Variants in RBM41 observed in about 807,000 individuals in gnomAD.
RBM41 encodes the protein RNA binding motif protein 41, also known as RNA-binding protein 41.
In RBM41, 14 loss-of-function variants were observed where a neutral mutation model predicts 30.8. The observed-to-expected ratio is 0.45, with a 90% confidence interval of 0.30 to 0.71. RBM41 has a LOEUF of 0.71. Among genes scored for constraint, RBM41 ranks in the 30% least tolerant of loss-of-function variants. The pLI is 0.08. For missense variants in RBM41, 276 were observed against 326.3 expected, an observed-to-expected ratio of 0.85 and a Z score of 1.19; for synonymous variants, 120 against 110.1, an observed-to-expected ratio of 1.09 and a Z score of -0.56.
chrX:107,066,886 C>T lies in RBM41; in HGVS notation c.*641G>A, dbSNP rs1369226564. 1 of 737,849 alleles carries T rather than the reference C, an allele frequency of 1.4e-6. No individual in the cohort carries two copies. The allele number at this position is 737,849 out of a possible 1,213,427, so 60.8% of individuals were successfully genotyped here. The stretch of plus-strand genomic sequence containing the variant: ...TGAATTCAATGATACTCAATGGTTG[C>T]TAGCTTAAATGGCTGTGAGAACACC... On this transcript the variant is annotated 3_prime_UTR_variant, in exon 8 of 8. Coordinates refer to ENST00000685964, the MANE Select transcript of RBM41 (RefSeq NM_001324242.2).
At chrX:107,076,296 G>A (rs766529076) in intron 6 of RBM41, among the ~76,000 whole-genome samples, 4 of 105,482 alleles carry the variant, frequency 3.8e-5, no homozygotes, top group South Asian at 4.4e-4. Flanking sequence ...CAGCTCAGAC[G>A]ACAGTGCCAG....
At chrX:107,073,750 G>A (rs1936145317) in intron 6 of RBM41, among the ~76,000 whole-genome samples, 3 of 111,777 alleles carry the variant, frequency 2.7e-5, no homozygotes, top group African/African-American at 9.7e-5. Flanking sequence ...GGTGCCCAAC[G>A]ATGTGGTATA....
intron 5 of RBM41, among the ~76,000 whole-genome samples, chrX:107,098,059 C>T (rs1923135296): frequency 9.0e-6 from 1 of 111,404 alleles, no homozygotes; most frequent in East Asian, 2.8e-4. Context: ...AAATTATATA[C>T]CTCAATAAAG....
chrX:107,097,231 T>C (rs1263410184), intron 5 of RBM41, among the ~76,000 whole-genome samples: 1 of 112,109 alleles, frequency 8.9e-6, no homozygotes, highest in African/African-American at 3.2e-5. Context: ...TGAAAACATG[T>C]TCATACAAAT....
Position 107,064,090 on chromosome X carries a change from T to C in RBM41, c.*3437A>G, listed in dbSNP as rs1308490548. ...CCTCAGCCTCCCGAGTAGCTGGGAC[T>C]ACAGGTGCCCACGACCACGCCTGGC... On this transcript the variant is annotated 3_prime_UTR_variant, in exon 8 of 8. Coordinates refer to ENST00000685964, the MANE Select transcript of RBM41 (RefSeq NM_001324242.2). Among the ~76,000 whole-genome samples the C allele has an allele frequency of 9.2e-6, 1 of 108,542 alleles. No individual in the cohort carries two copies. The highest frequency in any genetic ancestry group is 3.4e-5 in the African/African-American group (1 of 29,800). 94.3% of individuals were successfully genotyped at this position (108,542 alleles called of 115,157 possible).
At chrX:107,099,101 G>T (rs1413993272) in intron 5 of RBM41, among the ~76,000 whole-genome samples, 1 of 111,282 alleles carries the variant, frequency 9.0e-6, no homozygotes, top group African/African-American at 3.3e-5. Context: ...TTTACCAAAA[G>T]ATACCATAAA....
downstream of RBM41, among the ~76,000 whole-genome samples, chrX:107,059,090 A>G (rs1935606882): frequency 9.0e-6 from 1 of 111,523 alleles, no homozygotes; most frequent in South Asian, 3.8e-4. Flanking sequence ...CCCCAATGGC[A>G]TCTTAGAGAA....
intron 5 of RBM41, among the ~76,000 whole-genome samples, chrX:107,108,736 C>G (rs1407865783): frequency 2.7e-5 from 3 of 111,733 alleles, no homozygotes; most frequent in African/African-American, 9.7e-5. Flanking sequence ...CTCCCCTTCT[C>G]TAGCTTTGCA....
intron 5 of RBM41, among the ~76,000 whole-genome samples, chrX:107,099,814 A>G (rs1210034906): frequency 9.0e-6 from 1 of 111,584 alleles, no homozygotes; most frequent in Non-Finnish European, 1.9e-5. Context: ...TTCCGGATTT[A>G]TAATTGAGAA....
At chrX:107,116,901 C>T (rs960870304) in intron 1 of RBM41, 135 bp from the exon 2 acceptor site, 1 of 595,753 alleles carries the variant, frequency 1.7e-6, no homozygotes, top group Admixed American at 3.7e-5. Context: ...TTGCCCTTTA[C>T]CATTTAGTCC....
chrX:107,105,200 C>T (rs1053065568), intron 5 of RBM41, among the ~76,000 whole-genome samples: 1 of 111,234 alleles, frequency 9.0e-6, no homozygotes, highest in African/African-American at 3.3e-5. Context: ...GTGCAAAAAT[C>T]ACAAGCATTC....
In RBM41 at chrX:107,113,404, G is replaced by A; in HGVS notation, c.588C>T (p.Gly196=). ...AGAAAACTCTCGACTTGCCTTTTGT[G>A]CCTAATTTTATCTTCCTCTTCATTG... ...MTSMKRKIKL[G]TKDEPQKKNK... is the part of the protein sequence containing the mutation. Residue 196 remains glycine (G), a synonymous_variant, in exon 5 of 8, where the codon GGC becomes GGT. Transcript: ENST00000685964. The A allele has an allele frequency of 1.0e-6, 1 of 982,361 alleles. No homozygotes were observed. The highest frequency in any genetic ancestry group is 1.3e-6 in the Non-Finnish European group (1 of 755,936). 81.0% of individuals were successfully genotyped at this position (982,361 alleles called of 1,213,427 possible).
intron 5 of RBM41, among the ~76,000 whole-genome samples, chrX:107,093,451 CAAAT>C (rs1922719121): frequency 8.9e-6 from 1 of 111,877 alleles, no homozygotes; most frequent in African/African-American, 3.2e-5. Flanking sequence ...CGGGAAAACA[CAAAT>C]ATCTGGAAAT....
At position 107,115,352 on chromosome X, in the gene RBM41, C is replaced by A; in HGVS notation, c.523G>T (p.Ala175Ser). The change falls in exon 4 of 8, where the codon GCA becomes TCA. Residue 175 changes from alanine (A) to serine (S), a missense_variant and splice_region_variant. Ala to Ser is a moderately conservative substitution (Grantham distance 99). Transcript: ENST00000685964. ...HSFLKALYYQ[A>S]YHKKTSADKY... Reference sequence around the variant, plus strand: ...ATCAAAGTCAGTGGGGATCACATACCTTGGTAATAAAGAGCCTTAAGGAAG... The same window carrying A: ...ATCAAAGTCAGTGGGGATCACATACATTGGTAATAAAGAGCCTTAAGGAAG... The A allele has an allele frequency of 8.3e-7, 1 of 1,209,917 alleles. No homozygotes were observed.
intron 5 of RBM41, among the ~76,000 whole-genome samples, chrX:107,099,280 C>A (rs1923244696): frequency 9.0e-6 from 1 of 111,708 alleles, no homozygotes; most frequent in Admixed American, 9.5e-5. Flanking sequence ...AACCTCAACA[C>A]TTTCCTACCT....
intron 6 of RBM41, among the ~76,000 whole-genome samples, chrX:107,077,054 A>G (rs1283042063): frequency 2.7e-5 from 3 of 112,152 alleles, no homozygotes; most frequent in Non-Finnish European, 5.6e-5. Context: ...CAAATTAAAT[A>G]ACCATAGAAA....
chrX:107,094,650 T>A (rs766809751), intron 5 of RBM41, among the ~76,000 whole-genome samples: 23 of 111,709 alleles, frequency 2.1e-4, no homozygotes, highest in Non-Finnish European at 3.6e-4. Context: ...GTGATCATGT[T>A]AAGGTTGAGA....
At chrX:107,058,293 CAA>C (rs201428990), downstream of RBM41, among the ~76,000 whole-genome samples, 16 of 45,691 alleles carry the variant, frequency 3.5e-4, no homozygotes, top group African/African-American at 9.2e-4. Context: ...AACTCCGTCT[CAA>C]AAAAAAAAAA....
chrX:107,056,875 A>T, the RBM41 span, among the ~76,000 whole-genome samples: 1 of 84,999 alleles, frequency 1.2e-5, no homozygotes, highest in Non-Finnish European at 2.2e-5. Context: ...TATCTTAACT[A>T]TTATCTTTTT....
Sources: allele counts gnomAD v4.1 joint callset (sites outside exome capture counted in the v4.1 genomes callset), GRCh38; gene constraint gnomAD v4.1.1; transcripts MANE v1.5; gene names NCBI Gene and HGNC (gene_info 2026-07-23, HGNC 2026-07-21).